NAPB: variants seen among roughly 807,000 people sequenced by gnomAD.
The protein encoded by NAPB is beta-soluble NSF attachment protein.
Under a neutral mutation model 44.7 loss-of-function variants are expected in NAPB, and 26 were observed. The observed-to-expected ratio is 0.58, with a 90% CI of 0.43 to 0.81. The LOEUF is 0.81. Among genes scored for constraint, NAPB ranks in the 30% least tolerant of loss-of-function variants. The probability of loss-of-function intolerance (pLI) is 0.00; values close to 1 mark genes in which losing one functional copy is unlikely to be tolerated. For synonymous variants in NAPB, 120 were observed against 116.8 expected, an observed-to-expected ratio of 1.03 and a Z score of -0.18; for missense variants, 315 against 356.4, an observed-to-expected ratio of 0.88 and a Z score of 0.94.
intron 1 of NAPB, among the ~76,000 whole-genome samples, chr20:23,415,284 G>C (rs1432979881): frequency 6.6e-6 from 1 of 152,142 alleles, no homozygotes; most frequent in Admixed American, 6.5e-5. Flanking sequence ...AAGACTCAGA[G>C]AACTTTACTT....
At chr20:23,403,142 T>A (rs943267285) in intron 1 of NAPB, 70 bp from the exon 2 acceptor site, 2 of 1,073,376 alleles carry the variant, frequency 1.9e-6, no homozygotes, top group African/African-American at 1.6e-5. Context: ...CTCAAATGAT[T>A]AACATTTAGT....
At chr20:23,389,288 G>A (rs930869490) in intron 7 of NAPB, among the ~76,000 whole-genome samples, 1 of 149,400 alleles carries the variant, frequency 6.7e-6, no homozygotes, top group South Asian at 2.1e-4. Context: ...GGAGAAACTG[G>A]AACACTGTGC....
chr20:23,396,980 G>T, intron 3 of NAPB, 92 bp downstream of exon 3: 1 of 1,292,438 alleles, frequency 7.7e-7, no homozygotes, highest in Non-Finnish European at 1.0e-6. Context: ...ACCAGGACTT[G>T]AAAGCACACC....
intron 1 of NAPB, among the ~76,000 whole-genome samples, chr20:23,407,965 C>A (rs1244319739): frequency 6.6e-6 from 1 of 152,072 alleles, no homozygotes; most frequent in African/African-American, 2.4e-5. Flanking sequence ...AAGGAGACAT[C>A]GTAGAATTGT....
rs1312014398 is a variant in NAPB, at chr20:23,421,322, G to A, written c.81C>T (p.Phe27=). The change falls in exon 1 of 11, where the codon TTC becomes TTT. Residue 27 remains phenylalanine, a synonymous_variant. Coordinates refer to ENST00000377026, the MANE Select transcript of NAPB (RefSeq NM_022080.3). ...AEKRVKASHS[F]LRGLFGGNTR... ...GCGCTCACCCAAACAGCCCTCGGAGGAAGGAGTGGGAGGCCTTGACTCGCT... is the reference window on the plus strand; with the variant it reads ...GCGCTCACCCAAACAGCCCTCGGAGAAAGGAGTGGGAGGCCTTGACTCGCT... The A allele has an allele frequency of 1.3e-6, 2 of 1,563,000 alleles. No homozygotes were observed. The highest frequency in any genetic ancestry group is 1.2e-5 in the South Asian group (1 of 85,108).
chr20:23,389,830 G>T, intron 7 of NAPB, 116 bp downstream of exon 7: 1 of 828,926 alleles, frequency 1.2e-6, no homozygotes, highest in Non-Finnish European at 2.0e-6. Flanking sequence ...AAAAACCGCT[G>T]AACTGTACTC....
At chr20:23,420,595 G>C (rs1203109260) in intron 1 of NAPB, among the ~76,000 whole-genome samples, 1 of 151,952 alleles carries the variant, frequency 6.6e-6, no homozygotes, top group East Asian at 2.0e-4. Context: ...CGCCTCACCC[G>C]GACCGGTCTC....
chr20:23,381,801 G>T (rs894288508), intron 7 of NAPB, among the ~76,000 whole-genome samples: 10 of 152,158 alleles, frequency 6.6e-5, no homozygotes, highest in African/African-American at 2.4e-4. Flanking sequence ...AGCCCAGCAA[G>T]AGAGAAAACA....
Position 23,395,198 on chromosome 20 carries a change from C to A in NAPB, c.296-13G>T. On this transcript the variant is annotated splice_polypyrimidine_tract_variant and intron_variant, in intron 3 of 10. Coordinates refer to ENST00000377026, the MANE Select transcript of NAPB (RefSeq NM_022080.3). The stretch of plus-strand genomic sequence containing the variant: ...CAGTTGATAGCCTCTGAAGCGTAGG[C>A]ATTTAAGAAAAACAATGAAAAATCC... 1.9e-6 allele frequency: 3 copies of A among 1,613,980 alleles called. No homozygotes were observed. The highest frequency in any genetic ancestry group is 2.5e-6 in the Non-Finnish European group (3 of 1,179,892).
At chr20:23,381,161 G>A (rs982760679) in intron 8 of NAPB, 52 bp downstream of exon 8, 10 of 1,175,016 alleles carry the variant, frequency 8.5e-6, no homozygotes, top group Non-Finnish European at 1.3e-5. Flanking sequence ...GAGAGAATGT[G>A]TACGTATTCT....
chr20:23,377,762 T>C (rs1303416737), intron 10 of NAPB, among the ~76,000 whole-genome samples: 1 of 152,172 alleles, frequency 6.6e-6, no homozygotes, highest in African/African-American at 2.4e-5. Flanking sequence ...GTCATAATTA[T>C]TGTGGCAAAA....
intron 1 of NAPB, among the ~76,000 whole-genome samples, chr20:23,408,618 C>A (rs531504478): frequency 6.6e-6 from 1 of 152,212 alleles, no homozygotes; most frequent in Admixed American, 6.5e-5. Context: ...GTAAACTTAA[C>A]CCTTCCAAGA....
At chr20:23,396,656 A>T (rs1984388323) in intron 3 of NAPB, 1 of 152,426 alleles carries the variant, frequency 6.6e-6, no homozygotes, top group East Asian at 1.9e-4. Flanking sequence ...TGAATATTAC[A>T]ATCTCCCATT....
Position 23,416,252 on chromosome 20 carries a change from G to A in NAPB, c.98+5053C>T, listed in dbSNP as rs547055755. 2.0e-5 allele frequency among the ~76,000 whole-genome samples: 3 copies of A among 152,188 alleles called. No homozygotes were observed. The East Asian group carries it at 5.8e-4, about 29-fold the overall frequency. On this transcript the variant is annotated intron_variant, in intron 1 of 10. Transcript: ENST00000377026. ...TAACTGCACCTCACAGAGCTCACAAGAATGAAAGAATATGTGGAGAAAACT... is the reference window on the plus strand; with the variant it reads ...TAACTGCACCTCACAGAGCTCACAAAAATGAAAGAATATGTGGAGAAAACT...
intron 7 of NAPB, among the ~76,000 whole-genome samples, chr20:23,386,623 A>G (rs540329908): frequency 2.0e-5 from 3 of 152,372 alleles, no homozygotes; most frequent in Admixed American, 6.5e-5. Context: ...CTGGACCCCA[A>G]TAAAAACTCA....
intron 3 of NAPB, 101 bp from the exon 4 acceptor site, chr20:23,395,286 T>C: frequency 1.6e-6 from 2 of 1,224,938 alleles, no homozygotes; most frequent in Middle Eastern, 2.0e-4. Flanking sequence ...GTTAATGAGG[T>C]ATAATTTTGG....
chr20:23,381,234 T>C lies in NAPB; in HGVS notation c.645A>G (p.Ile215Met). The change falls in exon 8 of 11, where the codon ATA becomes ATG. Residue 215 changes from isoleucine (I) to methionine (M), a missense_variant. Coordinates refer to ENST00000377026, the MANE Select transcript of NAPB (RefSeq NM_022080.3). ...TTACCTTGGCATTCAACTCGTCTAC[T>C]ATGAAGTGGCAGAGGGCAGCTTTGA... ...YFFKAALCHF[I>M]VDELNAKLAL... 6.2e-7 allele frequency: 1 copy of C among 1,613,558 alleles called. No individual in the cohort carries two copies. Among genetic ancestry groups the C allele is most frequent in the Non-Finnish European group, 8.5e-7 (1 of 1,179,634 alleles).
chr20:23,376,782 T>G lies in NAPB; in HGVS notation c.*594A>C, dbSNP rs561006003. The G allele has an allele frequency of 1.3e-5, 2 of 152,232 alleles. No homozygotes were observed. The highest frequency in any genetic ancestry group is 2.9e-5 in the Non-Finnish European group (2 of 68,052). 9.4% of individuals were successfully genotyped at this position (152,232 alleles called of 1,614,324 possible). A position where few individuals can be genotyped will look rare whatever the true frequency, so the allele number is the denominator to read the frequency against. ...CCAGAAAGCTCCCTTCCTCACAATG[T>G]GATGCCTACAGACCCTGGCTATTCT... On this transcript the variant is annotated 3_prime_UTR_variant, in exon 11 of 11. Coordinates refer to ENST00000377026, the MANE Select transcript of NAPB (RefSeq NM_022080.3).
At chr20:23,395,667 C>T (rs1182688343) in intron 3 of NAPB, among the ~76,000 whole-genome samples, 1 of 152,152 alleles carries the variant, frequency 6.6e-6, no homozygotes, top group Non-Finnish European at 1.5e-5. Context: ...CTTTGAAATG[C>T]CTATTCAAAC....
Sources: allele counts gnomAD v4.1 joint callset (sites outside exome capture counted in the v4.1 genomes callset), GRCh38; gene constraint gnomAD v4.1.1; transcripts MANE v1.5; gene names NCBI Gene and HGNC (gene_info 2026-07-23, HGNC 2026-07-21).